Variants in CARMIL1 observed in about 807,000 individuals in gnomAD.
CARMIL1 encodes F-actin-uncapping protein LRRC16A.
Under a neutral mutation model 177.1 loss-of-function variants are expected in CARMIL1, and 90 were observed. The ratio of observed to expected loss-of-function variants is 0.51; its 90% CI spans 0.43 to 0.61. The LOEUF is 0.61. CARMIL1 is among the 20% of genes least tolerant of loss of function. The pLI is 0.00. For synonymous variants in CARMIL1, 577 were observed against 606.2 expected (o/e 0.95, Z 0.71); for missense variants, 1,380 against 1,667.0 (o/e 0.83, Z 3.00).
intron 5 of CARMIL1, among the ~76,000 whole-genome samples, chr6:25,445,337 G>A (rs564277218): frequency 1.3e-5 from 2 of 152,034 alleles, no homozygotes; most frequent in African/African-American, 4.8e-5. Context: ...TACCCTTCAA[G>A]GTCATCCATG....
At chr6:25,340,132 A>AT (rs1396664156) in intron 2 of CARMIL1, among the ~76,000 whole-genome samples, 1 of 152,196 alleles carries the variant, frequency 6.6e-6, no homozygotes, top group African/African-American at 2.4e-5. Flanking sequence ...GTCAGAGACT[A>AT]TTTTCTAAAT....
intron 2 of CARMIL1, among the ~76,000 whole-genome samples, chr6:25,294,847 A>G (rs372869771): frequency 1.3e-5 from 2 of 152,154 alleles, no homozygotes; most frequent in Non-Finnish European, 2.9e-5. Flanking sequence ...GGGATCACAC[A>G]TGCTTGGCGA....
In CARMIL1 at chr6:25,577,725, T is replaced by C. The variant is rs1812731191; in HGVS notation, c.2743-3199T>C. The stretch of plus-strand genomic sequence containing the variant: ...CTTTAACTTGTAGTAAAAGTAGACA[T>C]ATCTCAATTGAGCTATGTGCAGAAT... On this transcript the variant is annotated intron_variant, in intron 29 of 36. Coordinates refer to ENST00000329474, the MANE Select transcript of CARMIL1 (RefSeq NM_017640.6). This position sits in a 1 kb window ranked among gnomAD's most constrained non-coding sequence, Gnocchi z 4.5. Among the ~76,000 whole-genome samples, 1 of 151,546 alleles carries C rather than the reference T, an allele frequency of 6.6e-6. No individual in the cohort carries two copies. Among genetic ancestry groups the C allele is most frequent in the East Asian group, 1.9e-4 (1 of 5,154 alleles).
chr6:25,287,583 T>A (rs1048085708), intron 2 of CARMIL1: 1 of 152,622 alleles, frequency 6.6e-6, no homozygotes, highest in East Asian at 1.9e-4. Flanking sequence ...TGCCAGAGAC[T>A]GTGCTGAGTA....
intron 17 of CARMIL1, among the ~76,000 whole-genome samples, chr6:25,506,443 G>A (rs1286854117): frequency 6.6e-6 from 1 of 152,212 alleles, no homozygotes; most frequent in Non-Finnish European, 1.5e-5. Context: ...CTACTTGGGA[G>A]GCTGAGGCAG....
At chr6:25,373,300 TTCTC>T (rs1790610445) in intron 2 of CARMIL1, among the ~76,000 whole-genome samples, 1 of 152,084 alleles carries the variant, frequency 6.6e-6, no homozygotes, top group Non-Finnish European at 1.5e-5. Context: ...GATGCCCTCT[TTCTC>T]AACCTTTTGG....
At chr6:25,584,400 T>C (rs1334078813) in intron 31 of CARMIL1, among the ~76,000 whole-genome samples, 4 of 145,026 alleles carry the variant, frequency 2.8e-5, no homozygotes, top group Non-Finnish European at 6.0e-5. Flanking sequence ...CAGAGTCCTA[T>C]GTGAGGTGCA....
intron 2 of CARMIL1, among the ~76,000 whole-genome samples, chr6:25,305,719 A>G (rs1247943813): frequency 1.3e-5 from 2 of 152,192 alleles, no homozygotes; most frequent in Non-Finnish European, 2.9e-5. Flanking sequence ...AATGGTGCAC[A>G]AAATGAAGCA....
At chr6:25,294,593 T>C (rs1476430512) in intron 2 of CARMIL1, among the ~76,000 whole-genome samples, 14 of 152,216 alleles carry the variant, frequency 9.2e-5, no homozygotes, top group Admixed American at 9.2e-4. Flanking sequence ...CCATTTCTTC[T>C]TGCATAGTCT....
intron 32 of CARMIL1, among the ~76,000 whole-genome samples, chr6:25,595,295 A>G (rs908053789): frequency 2.0e-5 from 3 of 152,252 alleles, no homozygotes; most frequent in Admixed American, 6.5e-5. Flanking sequence ...AAATTCAGGA[A>G]CAAACATAAG....
chr6:25,282,491 G>A (rs1007664021), intron 1 of CARMIL1, among the ~76,000 whole-genome samples: 3 of 152,008 alleles, frequency 2.0e-5, no homozygotes, highest in Non-Finnish European at 2.9e-5. Context: ...TTCTTTATGC[G>A]TACACTGTCT....
intron 29 of CARMIL1, among the ~76,000 whole-genome samples, chr6:25,574,379 G>A (rs1812399690): frequency 6.6e-6 from 1 of 152,122 alleles, no homozygotes; most frequent in Non-Finnish European, 1.5e-5. Flanking sequence ...ATATACACTG[G>A]AACACACACA....
intron 5 of CARMIL1, among the ~76,000 whole-genome samples, chr6:25,446,821 C>T (rs753520942): frequency 4.3e-4 from 66 of 152,238 alleles, no homozygotes; most frequent in Non-Finnish European, 7.9e-4. Context: ...CACTTAGAGG[C>T]CATTGCAGGG....
chr6:25,310,390 G>C (rs1783701631), intron 2 of CARMIL1, among the ~76,000 whole-genome samples: 1 of 152,206 alleles, frequency 6.6e-6, no homozygotes, highest in South Asian at 2.1e-4. Flanking sequence ...AACTGCAGCT[G>C]ATCACCCATT....
At chr6:25,595,329 C>G (rs1814728587) in intron 32 of CARMIL1, among the ~76,000 whole-genome samples, 1 of 152,190 alleles carries the variant, frequency 6.6e-6, no homozygotes, top group African/African-American at 2.4e-5. Context: ...AGGCGGCAGG[C>G]TGGGCACAGG....
intron 2 of CARMIL1, among the ~76,000 whole-genome samples, chr6:25,335,901 T>C (rs570103753): frequency 5.2e-4 from 79 of 150,718 alleles, no homozygotes; most frequent in African/African-American, 1.9e-3. Context: ...AGGAAGAGTA[T>C]GTGTGTCTAA....
chr6:25,482,197 T>C (rs1802179640), intron 11 of CARMIL1, 60 bp from the exon 12 acceptor site: 3 of 783,572 alleles, frequency 3.8e-6, no homozygotes, highest in African/African-American at 3.5e-5. Context: ...TTTTCATCCA[T>C]TGTAAAAAAT....
chr6:25,381,913 C>T (rs1357469861), intron 2 of CARMIL1, among the ~76,000 whole-genome samples: 1 of 152,012 alleles, frequency 6.6e-6, no homozygotes, highest in Admixed American at 6.6e-5. Context: ...GGTTGGTTCC[C>T]CTGGCAACCA....
At chr6:25,308,873 C>T (rs2150197168) in intron 2 of CARMIL1, among the ~76,000 whole-genome samples, 1 of 152,278 alleles carries the variant, frequency 6.6e-6, no homozygotes, top group Non-Finnish European at 1.5e-5. Flanking sequence ...CTTTACATGA[C>T]TGAGAAAGCC....
Sources: allele counts gnomAD v4.1 joint callset (sites outside exome capture counted in the v4.1 genomes callset), GRCh38; gene constraint gnomAD v4.1.1; non-coding constraint Gnocchi (gnomAD v3.1); transcripts MANE v1.5; gene names NCBI Gene and HGNC (gene_info 2026-07-23, HGNC 2026-07-21).